FAT3: variants seen among roughly 807,000 people sequenced by gnomAD.
FAT3 encodes the protein FAT atypical cadherin 3, also known as protocadherin Fat 3.
A neutral mutation model predicts 310.2 loss-of-function variants in FAT3; 95 were observed. The ratio of observed to expected loss-of-function variants is 0.31; its 90% CI spans 0.26 to 0.36. The LOEUF (loss-of-function observed/expected upper bound fraction) is 0.36. Ranked by LOEUF, FAT3 falls within the 10% of genes least tolerant of loss-of-function variation. The pLI is 1.00. For missense variants in FAT3, 5,408 were observed against 5,715.6 expected (o/e 0.95, Z 1.74); for synonymous variants, 2,314 against 2,192.9 (o/e 1.06, Z -1.54).
rs146881422 is a variant in FAT3, at chr11:92,468,671, G to C, written c.3293-55963G>C. 7.2e-3 allele frequency among the ~76,000 whole-genome samples: 1,090 copies of C among 152,252 alleles called. 12 individuals carry two copies. The highest frequency in any genetic ancestry group is 0.024 in the African/African-American group (1,006 of 41,538). ...CTGGGGAGGCCTCAGGAAACTTACA[G>C]TCATGGTGGAAGAAGAAGCAAACAT... On this transcript the variant is annotated intron_variant, in intron 2 of 27. Transcript: ENST00000525166.
At position 92,600,348 on chromosome 11, in the gene FAT3, A is replaced by T. The variant is rs180915040; in HGVS notation, c.3607+75400A>T. Among the ~76,000 whole-genome samples the T allele has an allele frequency of 1.0e-3, 152 of 152,324 alleles. 1 individual carries two copies. The highest frequency in any genetic ancestry group is 2.2e-4 in the Non-Finnish European group (15 of 68,038). ...CTCCTGATTTACAGCTACATTTGAG[A>T]TGGTTGCTGCCCTCAAGGAAGTTAA... On this transcript the variant is annotated intron_variant, in intron 3 of 27. Transcript: ENST00000525166.
intron 2 of FAT3, among the ~76,000 whole-genome samples, chr11:92,369,525 G>A (rs1565264306): frequency 6.6e-6 from 1 of 152,082 alleles, no homozygotes; most frequent in Admixed American, 6.6e-5. Context: ...CGCTGGAGGA[G>A]GTGCCCTGGA....
intron 2 of FAT3, among the ~76,000 whole-genome samples, chr11:92,435,483 C>G (rs2135048816): frequency 7.5e-6 from 1 of 133,254 alleles, no homozygotes; most frequent in Middle Eastern, 3.8e-3. Context: ...TCCTTCCTTC[C>G]TTCCTTCCTT....
Position 92,237,139 on chromosome 11 carries a change from G to A in FAT3, c.-18+11965G>A, listed in dbSNP as rs532781468. ...TGGGATATACTGCATATATTGATTAGAGTTGGATTTTGTTATGCAAAAGAA... is the reference window on the plus strand; with the variant it reads ...TGGGATATACTGCATATATTGATTAAAGTTGGATTTTGTTATGCAAAAGAA... On this transcript the variant is annotated intron_variant, in intron 1 of 27. Transcript: ENST00000525166. Among the ~76,000 whole-genome samples the A allele has an allele frequency of 5.3e-5, 8 of 152,296 alleles. No homozygotes were observed. The South Asian group carries it at 1.5e-3, about 28-fold the overall frequency.
At chr11:92,701,844 AT>A (rs1944105485) in intron 4 of FAT3, among the ~76,000 whole-genome samples, 1 of 152,214 alleles carries the variant, frequency 6.6e-6, no homozygotes, top group Non-Finnish European at 1.5e-5. Context: ...GTCTTATTAT[AT>A]AATCACTTGT....
chr11:92,640,798 G>C (rs1941930414), intron 3 of FAT3, among the ~76,000 whole-genome samples: 1 of 152,144 alleles, frequency 6.6e-6, no homozygotes, highest in Admixed American at 6.5e-5. Flanking sequence ...GGGCCCCAAT[G>C]TTGTGTCACT....
Position 92,330,724 on chromosome 11 carries a change from CATT to C in FAT3, c.-17-21365_-17-21363del, listed in dbSNP as rs1286385457. Among the ~76,000 whole-genome samples, 4 of 152,056 alleles carry C rather than the reference CATT, an allele frequency of 2.6e-5. No homozygotes were observed. The East Asian group carries it at 7.7e-4, about 29-fold the overall frequency. ...AAATAAATGGAGTACTTTATTGCTT[CATT>C]ATTATTTATTTGGGTAAATATTCAT... is the stretch of plus-strand genomic sequence containing the variant. On this transcript the variant is annotated intron_variant, in intron 1 of 27. Transcript: ENST00000525166.
Position 92,789,806 on chromosome 11 carries a change from T to G in FAT3, c.4336-137T>G, listed in dbSNP as rs1393596812. ...ATTACAGAATGTTTTTATTAGTGAG[T>G]TTCCTCTGTGTTGCAAGAGCTACTA... On this transcript the variant is annotated intron_variant, in intron 7 of 27. Transcript: ENST00000525166. The G allele has an allele frequency of 5.2e-6, 4 of 776,462 alleles. No homozygotes were observed. The Admixed American group carries it at 8.3e-5, about 16-fold the overall frequency. The allele number at this position is 776,462 out of a possible 1,614,324, so 48.1% of individuals were successfully genotyped here.
At chr11:92,581,575 G>A (rs937453039) in intron 3 of FAT3, among the ~76,000 whole-genome samples, 1 of 151,916 alleles carries the variant, frequency 6.6e-6, no homozygotes, top group Non-Finnish European at 1.5e-5. Context: ...CTATGAATTT[G>A]GCCTTGACTC....
intron 13 of FAT3, among the ~76,000 whole-genome samples, chr11:92,822,653 C>T (rs1168188441): frequency 6.6e-6 from 1 of 152,174 alleles, no homozygotes; most frequent in Admixed American, 6.5e-5. Context: ...ACTTTCCACC[C>T]ACGCATCCTC....
At chr11:92,303,373 A>G (rs1165233860) in intron 1 of FAT3, among the ~76,000 whole-genome samples, 1 of 152,106 alleles carries the variant, frequency 6.6e-6, no homozygotes, top group Non-Finnish European at 1.5e-5. Context: ...CAGGAAGGAA[A>G]TTCCCATCAC....
intron 3 of FAT3, among the ~76,000 whole-genome samples, chr11:92,603,010 A>G (rs1052834709): frequency 6.6e-6 from 1 of 152,210 alleles, no homozygotes; most frequent in Non-Finnish European, 1.5e-5. Context: ...TTCATATTGC[A>G]AAGACTTCAT....
intron 1 of FAT3, among the ~76,000 whole-genome samples, chr11:92,285,074 A>G (rs1288075226): frequency 1.3e-5 from 2 of 152,120 alleles, no homozygotes; most frequent in Non-Finnish European, 1.5e-5. Flanking sequence ...GAAACACAGG[A>G]GGGCAGTGAA....
intron 2 of FAT3, among the ~76,000 whole-genome samples, chr11:92,419,411 C>G (rs944672928): frequency 6.6e-6 from 1 of 152,210 alleles, no homozygotes; most frequent in South Asian, 2.1e-4. Flanking sequence ...ATCTAATTAA[C>G]TTGCATAGAT....
intron 17 of FAT3, 106 bp downstream of exon 17, chr11:92,837,912 T>G: frequency 7.4e-7 from 1 of 1,357,568 alleles, no homozygotes; most frequent in Non-Finnish European, 1.0e-6. Flanking sequence ...TAATGTCATC[T>G]CATCCCTTCA....
intron 3 of FAT3, among the ~76,000 whole-genome samples, chr11:92,607,848 T>C (rs1444035756): frequency 6.6e-6 from 1 of 152,166 alleles, no homozygotes; most frequent in Non-Finnish European, 1.5e-5. Flanking sequence ...AGGCCAGTTT[T>C]CTATATACCT....
intron 3 of FAT3, among the ~76,000 whole-genome samples, chr11:92,568,154 A>G (rs1184370277): frequency 6.6e-6 from 1 of 152,206 alleles, no homozygotes; most frequent in Non-Finnish European, 1.5e-5. Context: ...GAACAAATCA[A>G]TAAGGTGTCT....
chr11:92,271,021 A>T (rs548156237), intron 1 of FAT3, among the ~76,000 whole-genome samples: 1 of 151,910 alleles, frequency 6.6e-6, no homozygotes, highest in Non-Finnish European at 1.5e-5. Context: ...CATTTTTGTT[A>T]TTATAACCCC....
intron 25 of FAT3, 131 bp from the exon 26 acceptor site, chr11:92,889,058 G>T (rs888168195): frequency 1.9e-6 from 1 of 533,912 alleles, no homozygotes; most frequent in Non-Finnish European, 3.4e-6. Flanking sequence ...TTGTGGGGAG[G>T]CTTTGGGTGT....
Sources: allele counts gnomAD v4.1 joint callset (sites outside exome capture counted in the v4.1 genomes callset), GRCh38; gene constraint gnomAD v4.1.1; transcripts MANE v1.5; gene names NCBI Gene and HGNC (gene_info 2026-07-23, HGNC 2026-07-21).